CYB5RL: variants seen among roughly 807,000 people sequenced by gnomAD.
CYB5RL encodes cytochrome b5 reductase like.
CYB5RL carries 38 observed loss-of-function variants against 37.5 expected under a neutral mutation model. That is an observed-to-expected ratio of 1.01 (90% confidence interval 0.78 to 1.33). CYB5RL has a LOEUF of 1.33. Among genes scored for constraint, CYB5RL ranks in the 40% most tolerant of loss-of-function variants. CYB5RL has a pLI of 0.00. For synonymous variants in CYB5RL, 141 were observed against 151.9 expected (o/e 0.93, Z 0.53); for missense variants, 388 against 394.4 (o/e 0.98, Z 0.14).
chr1:54,198,027 C>CAAAAAA (rs575486117), intron 1 of CYB5RL, among the ~76,000 whole-genome samples: 29 of 78,526 alleles, frequency 3.7e-4, no homozygotes, highest in African/African-American at 1.4e-3. Context: ...GACTCTGTCT[C>CAAAAAA]AAAAAAAAAA....
rs1659933768 is a variant in CYB5RL, at chr1:54,173,176, T to TA, written c.*1442dup. The TA allele has an allele frequency of 6.6e-6, 1 of 152,248 alleles. No individual in the cohort carries two copies. Among genetic ancestry groups the TA allele is most frequent in the Non-Finnish European group, 1.5e-5 (1 of 68,044 alleles). 9.4% of individuals were successfully genotyped at this position (152,248 alleles called of 1,614,324 possible). ...GAAACCTCCAGCACCACCCCCCAGC[T>TA]ATGTGTCACAATTATTTATTAAATG... On this transcript the variant is annotated 3_prime_UTR_variant, in exon 8 of 8. Transcript: ENST00000534324.
In CYB5RL at chr1:54,174,062, C is replaced by T. The variant is rs1659957853; in HGVS notation, c.*557G>A. The stretch of plus-strand genomic sequence containing the variant: ...GGGGCCAATACAAGACAGTCGAGGG[C>T]CCCACCTTGCTCTCAGGATGTGGTC... On this transcript the variant is annotated 3_prime_UTR_variant, in exon 8 of 8. Coordinates refer to ENST00000534324, the MANE Select transcript of CYB5RL (RefSeq NM_001031672.4). The T allele has an allele frequency of 6.3e-6, 1 of 159,882 alleles. No individual in the cohort carries two copies. Among genetic ancestry groups the T allele is most frequent in the Non-Finnish European group, 1.4e-5 (1 of 71,654 alleles). The allele number at this position is 159,882 out of a possible 1,614,324, so 9.9% of individuals were successfully genotyped here.
chr1:54,180,000 C>G, intron 6 of CYB5RL: 1 of 453,574 alleles, frequency 2.2e-6, no homozygotes, highest in South Asian at 1.6e-5. Context: ...AAACCTAGTA[C>G]TTTGGGAGGC....
intron 7 of CYB5RL, among the ~76,000 whole-genome samples, chr1:54,176,149 T>G (rs1660015720): frequency 6.6e-6 from 1 of 152,158 alleles, no homozygotes; most frequent in Non-Finnish European, 1.5e-5. Flanking sequence ...GAGTATCCAC[T>G]ATGGAAAGCC....
Position 54,179,358 on chromosome 1 carries a change from G to T in CYB5RL, c.541-6C>A, listed in dbSNP as rs1444432238. On this transcript the variant is annotated splice_region_variant and splice_polypyrimidine_tract_variant and intron_variant, in intron 6 of 7. Coordinates refer to ENST00000534324, the MANE Select transcript of CYB5RL (RefSeq NM_001031672.4). ...AGCAAGAGGAGCTCACCATACTGGG[G>T]AACAGAAGGGGTATGTATGACAGGT... The T allele has an allele frequency of 6.2e-7, 1 of 1,610,362 alleles. No individual in the cohort carries two copies. Among genetic ancestry groups the T allele is most frequent in the Admixed American group, 1.7e-5 (1 of 59,584 alleles).
intron 6 of CYB5RL, among the ~76,000 whole-genome samples, chr1:54,183,819 T>G (rs1385332673): frequency 3.3e-5 from 5 of 151,972 alleles, no homozygotes; most frequent in Admixed American, 6.6e-5. Flanking sequence ...CTACTAAAAA[T>G]ACAAAATTAG....
At chr1:54,191,500 T>G (rs1249314207) in intron 3 of CYB5RL, among the ~76,000 whole-genome samples, 1 of 152,172 alleles carries the variant, frequency 6.6e-6, no homozygotes, top group African/African-American at 2.4e-5. Flanking sequence ...AAATTCAAAT[T>G]CATGTCTAAG....
intron 1 of CYB5RL, among the ~76,000 whole-genome samples, chr1:54,197,317 CTTTT>C (rs766084507): frequency 8.1e-6 from 1 of 124,072 alleles, no homozygotes. Context: ...CTTTTCTTTT[CTTTT>C]TTTTTTTTTT....
At chr1:54,184,006 A>T in intron 6 of CYB5RL, 155 bp downstream of exon 6, 1 of 463,072 alleles carries the variant, frequency 2.2e-6, no homozygotes, top group Non-Finnish European at 3.8e-6. Context: ...TAAATAAATA[A>T]GTGTCTATTC....
chr1:54,199,953 C>A, intron 1 of CYB5RL, 23 bp downstream of exon 1: 1 of 457,256 alleles, frequency 2.2e-6, no homozygotes, highest in Admixed American at 4.0e-5. Context: ...TGGAGCGATT[C>A]TCCACCCACC....
chr1:54,176,205 C>T (rs946494524), intron 7 of CYB5RL, among the ~76,000 whole-genome samples: 1 of 152,150 alleles, frequency 6.6e-6, no homozygotes, highest in South Asian at 2.1e-4. Context: ...GGGAGAGGCC[C>T]TGTGAGGAGA....
At chr1:54,189,489 T>C (rs1190984821) in intron 4 of CYB5RL, among the ~76,000 whole-genome samples, 2 of 151,998 alleles carry the variant, frequency 1.3e-5, no homozygotes, top group Admixed American at 6.5e-5. Context: ...AAGAACATGG[T>C]GGGAAAGCAA....
chr1:54,187,861 A>C, intron 4 of CYB5RL, 122 bp from the exon 5 acceptor site: 2 of 774,076 alleles, frequency 2.6e-6, no homozygotes, highest in Non-Finnish European at 2.2e-6. Context: ...TGATCACTTG[A>C]GGTCAGGAGT....
chr1:54,171,311 A>T lies in CYB5RL; in HGVS notation c.*3308T>A, dbSNP rs776567162. Reference sequence around the variant, plus strand: ...TGTGAGTGGGCGGTGGCATACAAAAAGTCTGGAGAGGTGGCAGAGCAGAGA... The same window carrying T: ...TGTGAGTGGGCGGTGGCATACAAAATGTCTGGAGAGGTGGCAGAGCAGAGA... On this transcript the variant is annotated 3_prime_UTR_variant, in exon 8 of 8. Coordinates refer to ENST00000534324, the MANE Select transcript of CYB5RL (RefSeq NM_001031672.4). 6 of 456,462 alleles carry T rather than the reference A, an allele frequency of 1.3e-5. No individual in the cohort carries two copies. Among genetic ancestry groups the T allele is most frequent in the South Asian group, 9.3e-5 (6 of 64,560 alleles). 28.3% of individuals were successfully genotyped at this position (456,462 alleles called of 1,614,324 possible).
chr1:54,184,991 G>A (rs1271663973), intron 5 of CYB5RL: 1 of 152,212 alleles, frequency 6.6e-6, no homozygotes, highest in African/African-American at 2.4e-5. Flanking sequence ...TCCACTCTGT[G>A]CCAGGCACCA....
intron 4 of CYB5RL, among the ~76,000 whole-genome samples, chr1:54,188,521 C>G (rs554864053): frequency 6.6e-6 from 1 of 152,314 alleles, no homozygotes; most frequent in Admixed American, 6.5e-5. Context: ...TGCATGAATC[C>G]TCTCCATGTT....
chr1:54,183,604 G>A (rs1009089014), intron 6 of CYB5RL, among the ~76,000 whole-genome samples: 3 of 152,302 alleles, frequency 2.0e-5, no homozygotes, highest in African/African-American at 7.2e-5. Context: ...GCTCCTAAAC[G>A]TCAAGTACAA....
At chr1:54,187,597 C>T in intron 5 of CYB5RL, 55 bp downstream of exon 5, 1 of 1,562,058 alleles carries the variant, frequency 6.4e-7, no homozygotes, top group South Asian at 1.1e-5. Context: ...GCTCTCCATT[C>T]TTAGACCCAT....
Position 54,179,188 on chromosome 1 carries a change from G to C in CYB5RL, c.705C>G (p.Ala235=), listed in dbSNP as rs760712545. The C allele has an allele frequency of 2.5e-6, 4 of 1,613,476 alleles. No individual in the cohort carries two copies. In the African/African-American group the frequency reaches 5.3e-5, roughly 22 times the overall value. ...IYLKTFLQEQ[A]RFWNVRTFFV... ...AGAAGGTACGGACATTCCAGAAACG[G>C]GCCTGCTCTTGGAGGAAGGTTTTCA... The change falls in exon 7 of 8, where the codon GCC becomes GCG. Residue 235 remains alanine (A), a synonymous_variant. Coordinates refer to ENST00000534324, the MANE Select transcript of CYB5RL (RefSeq NM_001031672.4).
Sources: allele counts gnomAD v4.1 joint callset (sites outside exome capture counted in the v4.1 genomes callset), GRCh38; gene constraint gnomAD v4.1.1; transcripts MANE v1.5; gene names NCBI Gene and HGNC (gene_info 2026-07-23, HGNC 2026-07-21).